The following MACROD2 variants were observed in gnomAD, a reference collection of about 807,000 sequenced individuals.
MACROD2 encodes the protein ADP-ribose glycohydrolase MACROD2.
MACROD2 carries 36 observed loss-of-function variants against 70.4 expected under a neutral mutation model. The observed-to-expected ratio is 0.51, with a 90% CI of 0.39 to 0.68. The LOEUF is 0.68. MACROD2 is among the 30% of genes least tolerant of loss of function. The pLI, the probability that MACROD2 is intolerant of heterozygous loss-of-function variation, is 0.00. For missense variants in MACROD2, 496 were observed against 538.4 expected, an observed-to-expected ratio of 0.92 and a Z score of 0.78; for synonymous variants, 172 against 178.8, an observed-to-expected ratio of 0.96 and a Z score of 0.30.
chr20:15,967,757 C>G, intron 13 of MACROD2, 127 bp downstream of exon 13: 1 of 699,668 alleles, frequency 1.4e-6, no homozygotes, highest in Non-Finnish European at 2.2e-6. Flanking sequence ...ACTTTATTAG[C>G]ACTGAATACC....
At chr20:15,388,802 G>A (rs1213020990) in intron 6 of MACROD2, among the ~76,000 whole-genome samples, 1 of 152,156 alleles carries the variant, frequency 6.6e-6, no homozygotes, top group Non-Finnish European at 1.5e-5. Context: ...CATCACCCAA[G>A]AATGTTGTGT....
intron 12 of MACROD2, among the ~76,000 whole-genome samples, chr20:15,944,113 C>A (rs937983634): frequency 6.6e-6 from 1 of 152,026 alleles, no homozygotes; most frequent in Non-Finnish European, 1.5e-5. Context: ...CTTCCTATTA[C>A]AAATAATAGA....
intron 5 of MACROD2, among the ~76,000 whole-genome samples, chr20:14,910,264 A>G (rs958273630): frequency 2.0e-5 from 3 of 152,196 alleles, no homozygotes; most frequent in African/African-American, 4.8e-5. Context: ...GCGCTTACAC[A>G]TTAATATAGA....
chr20:14,549,120 C>T (rs73901277), intron 4 of MACROD2, among the ~76,000 whole-genome samples: 3,716 of 152,270 alleles, frequency 0.024, 108 homozygotes, highest in Middle Eastern at 0.065. Flanking sequence ...CTGGGCAGTG[C>T]ACCAGCAATG....
chr20:14,633,531 C>G (rs1468043569), intron 4 of MACROD2, among the ~76,000 whole-genome samples: 2 of 152,160 alleles, frequency 1.3e-5, no homozygotes, highest in Non-Finnish European at 2.9e-5. Flanking sequence ...ATATTGCCAC[C>G]TGGATGGGCT....
intron 8 of MACROD2, among the ~76,000 whole-genome samples, chr20:15,510,019 A>G (rs551110373): frequency 1.2e-3 from 190 of 152,154 alleles, no homozygotes; most frequent in African/African-American, 4.5e-3. Flanking sequence ...ATGATTACCA[A>G]CCCCCATATG....
chr20:15,875,327 T>C (rs1335135551), intron 9 of MACROD2, among the ~76,000 whole-genome samples: 1 of 152,164 alleles, frequency 6.6e-6, no homozygotes, highest in Admixed American at 6.6e-5. Context: ...TCCCCCCAAA[T>C]GATACATTCA....
chr20:15,254,561 G>A (rs1047675963), intron 6 of MACROD2, among the ~76,000 whole-genome samples: 1 of 152,038 alleles, frequency 6.6e-6, no homozygotes. Flanking sequence ...CCTATCTCAA[G>A]CAGTTTTAAG....
chr20:14,351,636 G>A (rs1189008734), intron 3 of MACROD2, among the ~76,000 whole-genome samples: 1 of 152,088 alleles, frequency 6.6e-6, no homozygotes, highest in East Asian at 1.9e-4. Flanking sequence ...ATAGTTTTTG[G>A]TGGAGTGTTT....
At chr20:15,981,513 C>T (rs1293162142) in intron 13 of MACROD2, among the ~76,000 whole-genome samples, 1 of 152,140 alleles carries the variant, frequency 6.6e-6, no homozygotes, top group Non-Finnish European at 1.5e-5. Flanking sequence ...CACTAATTCT[C>T]GGGCTTCTTA....
intron 3 of MACROD2, among the ~76,000 whole-genome samples, chr20:14,189,882 A>T (rs1214765212): frequency 6.6e-6 from 1 of 152,222 alleles, no homozygotes; most frequent in African/African-American, 2.4e-5. Context: ...GCTCATTGGC[A>T]TAGAAACTAT....
intron 5 of MACROD2, among the ~76,000 whole-genome samples, chr20:15,183,310 G>C (rs537849264): frequency 6.6e-6 from 1 of 152,110 alleles, no homozygotes; most frequent in South Asian, 2.1e-4. Flanking sequence ...TGACGCAGGA[G>C]GATCGCTTGG....
At chr20:14,707,235 A>G (rs530647928) in intron 5 of MACROD2, among the ~76,000 whole-genome samples, 1 of 152,192 alleles carries the variant, frequency 6.6e-6, no homozygotes, top group African/African-American at 2.4e-5. Flanking sequence ...TTCACGGAGG[A>G]GCACTGAGGG....
intron 4 of MACROD2, among the ~76,000 whole-genome samples, chr20:14,641,582 G>A (rs1201889853): frequency 6.6e-6 from 1 of 152,158 alleles, no homozygotes; most frequent in Non-Finnish European, 1.5e-5. Flanking sequence ...ATTGCTCCTT[G>A]ATTGATGGGC....
chr20:15,816,013 C>T (rs6135557), intron 8 of MACROD2, among the ~76,000 whole-genome samples: 26,806 of 151,770 alleles, frequency 0.18, 2,393 homozygotes, highest in African/African-American at 0.22. Context: ...TCCATCTCTC[C>T]GTCTCCCTCT....
intron 3 of MACROD2, among the ~76,000 whole-genome samples, chr20:14,490,833 G>A (rs1334242318): frequency 2.0e-5 from 3 of 152,068 alleles, no homozygotes; most frequent in Non-Finnish European, 1.5e-5. Flanking sequence ...GGAAGAAAAA[G>A]GGTCAAAGTT....
chr20:15,598,951 A>G (rs146995906), intron 8 of MACROD2, among the ~76,000 whole-genome samples: 4 of 152,334 alleles, frequency 2.6e-5, no homozygotes, highest in East Asian at 3.9e-4. Context: ...CCTCTTCTGC[A>G]TAATAGGATC....
chr20:15,018,262 G>T (rs996037166), intron 5 of MACROD2, among the ~76,000 whole-genome samples: 1 of 152,174 alleles, frequency 6.6e-6, no homozygotes, highest in Non-Finnish European at 1.5e-5. Flanking sequence ...TAGGGTAGGG[G>T]CAAAATGCCG....
intron 9 of MACROD2, among the ~76,000 whole-genome samples, chr20:15,884,043 G>T (rs2064791432): frequency 6.6e-6 from 1 of 152,052 alleles, no homozygotes; most frequent in African/African-American, 2.4e-5. Flanking sequence ...TATGTAGTAG[G>T]CATTATTATT....
Sources: gnomAD v4.1 joint callset for allele counts (sites outside exome capture counted in the v4.1 genomes callset) on GRCh38, gnomAD v4.1.1 for gene constraint, MANE v1.5 for transcripts, NCBI Gene and HGNC (gene_info 2026-07-23, HGNC 2026-07-21) for gene names.